The following HIVEP2 variants were observed in gnomAD, a reference collection of about 807,000 sequenced individuals.
HIVEP2 encodes HIVEP zinc finger 2, also known as transcription factor HIVEP2.
Under a neutral mutation model 180.7 loss-of-function variants are expected in HIVEP2, and 14 were observed. The observed-to-expected ratio is 0.08, with a 90% CI of 0.05 to 0.12. The LOEUF (loss-of-function observed/expected upper bound fraction) is 0.12. Among genes scored for constraint, HIVEP2 ranks in the 10% least tolerant of loss-of-function variants. The pLI is 1.00. For missense variants in HIVEP2, 2,579 were observed against 3,008.5 expected (o/e 0.86, Z 3.34); for synonymous variants, 1,184 against 1,136.4 (o/e 1.04, Z -0.84).
In HIVEP2 at chr6:142,774,655, C is replaced by T; in HGVS notation, c.84G>A (p.Gln28=). The change falls in exon 5 of 10, where the codon CAG becomes CAA. Residue 28 remains glutamine (Q), a synonymous_variant. Transcript: ENST00000367603. The surrounding 1 kb of genome is among the most constrained non-coding windows in gnomAD (Gnocchi z 5.1). ...ETDKASGRWR[Q]EQSAVIKMST... is the part of the protein sequence containing the mutation. ...TCATCTTAATAACAGCTGATTGTTC[C>T]TGTCTCCATCTACCTGATGCTTTAT... is the stretch of plus-strand genomic sequence containing the variant. 6.2e-7 allele frequency: 1 copy of T among 1,614,202 alleles called. No homozygotes were observed. The highest frequency in any genetic ancestry group is 1.1e-5 in the South Asian group (1 of 91,082).
intron 2 of HIVEP2, among the ~76,000 whole-genome samples, chr6:142,821,767 C>T (rs1217339221): frequency 6.6e-6 from 1 of 152,168 alleles, no homozygotes; most frequent in African/African-American, 2.4e-5. Context: ...ACACCACCAC[C>T]AAAACTAGGT....
At position 142,752,077 on chromosome 6, in the gene HIVEP2, G is replaced by GCT. The variant is rs1448587279; in HGVS notation, c.*1028_*1029dup. On this transcript the variant is annotated 3_prime_UTR_variant, in exon 10 of 10. Coordinates refer to ENST00000367603, the MANE Select transcript of HIVEP2 (RefSeq NM_006734.4). ...AGCCACCGGGCCGGCCGATAACCAA[G>GCT]CTCTACACAGTCCCATGTGCTTTGT... is the stretch of plus-strand genomic sequence containing the variant. 1 of 152,704 alleles carries GCT rather than the reference G, an allele frequency of 6.5e-6. No homozygotes were observed. The highest frequency in any genetic ancestry group is 1.9e-4 in the East Asian group (1 of 5,204). The allele number at this position is 152,704 out of a possible 1,614,324, so 9.5% of individuals were successfully genotyped here.
intron 2 of HIVEP2, among the ~76,000 whole-genome samples, chr6:142,802,097 T>G (rs756536039): frequency 6.6e-5 from 10 of 152,180 alleles, no homozygotes; most frequent in South Asian, 2.1e-4. Flanking sequence ...GGGCTCATTC[T>G]CAATAGCAAT....
intron 1 of HIVEP2, among the ~76,000 whole-genome samples, chr6:142,874,154 T>C (rs531469507): frequency 1.4e-4 from 21 of 152,262 alleles, no homozygotes; most frequent in African/African-American, 4.8e-4. Flanking sequence ...CTGAACCAAA[T>C]TAAAAACTCA....
At chr6:142,763,366 G>A (rs1469906534) in intron 7 of HIVEP2, among the ~76,000 whole-genome samples, 1 of 152,194 alleles carries the variant, frequency 6.6e-6, no homozygotes, top group Non-Finnish European at 1.5e-5. Flanking sequence ...TTGGACAACA[G>A]GCATTTCAGT....
chr6:142,935,528 G>T (rs752619442), intron 1 of HIVEP2, among the ~76,000 whole-genome samples: 1 of 152,118 alleles, frequency 6.6e-6, no homozygotes, highest in Non-Finnish European at 1.5e-5. Context: ...TCCAGTGGGG[G>T]CAACAGAGTG....
At chr6:142,796,971 C>T (rs930537996) in intron 2 of HIVEP2, among the ~76,000 whole-genome samples, 5 of 152,136 alleles carry the variant, frequency 3.3e-5, no homozygotes, top group African/African-American at 1.2e-4. Context: ...TTTAATACTG[C>T]ATCTTTACCT....
intron 1 of HIVEP2, among the ~76,000 whole-genome samples, chr6:142,864,320 A>G (rs1776080385): frequency 1.3e-5 from 2 of 152,258 alleles, no homozygotes; most frequent in South Asian, 4.1e-4. Context: ...AACAGCCTAG[A>G]AACGGAGGGT....
intron 1 of HIVEP2, among the ~76,000 whole-genome samples, chr6:142,897,016 C>A (rs1777015373): frequency 6.6e-6 from 1 of 152,008 alleles, no homozygotes; most frequent in African/African-American, 2.4e-5. Context: ...GATAGGCCCT[C>A]AATAATAATT....
At chr6:142,942,699 G>T (rs62428835) in intron 1 of HIVEP2, among the ~76,000 whole-genome samples, 17,155 of 152,066 alleles carry the variant, frequency 0.11, 1,240 homozygotes, top group Non-Finnish European at 0.16. Flanking sequence ...TTAAAAATCA[G>T]TTAGATCTTA....
intron 1 of HIVEP2, among the ~76,000 whole-genome samples, chr6:142,902,303 C>T (rs897147371): frequency 1.7e-4 from 26 of 149,402 alleles, no homozygotes; most frequent in Admixed American, 1.3e-3. Context: ...ATGGGAACCT[C>T]GCCTGGTGGT....
intron 1 of HIVEP2, among the ~76,000 whole-genome samples, chr6:142,939,053 T>G (rs1778116077): frequency 6.6e-6 from 1 of 152,202 alleles, no homozygotes; most frequent in Non-Finnish European, 1.5e-5. Context: ...ATGGTCAACT[T>G]TCACTACTAA....
At chr6:142,880,148 A>T (rs1009233291) in intron 1 of HIVEP2, among the ~76,000 whole-genome samples, 5 of 152,158 alleles carry the variant, frequency 3.3e-5, no homozygotes, top group African/African-American at 7.2e-5. Context: ...TCCCCAAAGC[A>T]GGAATATTTC....
intron 2 of HIVEP2, among the ~76,000 whole-genome samples, chr6:142,792,245 T>G (rs188276601): frequency 6.6e-6 from 1 of 152,254 alleles, no homozygotes; most frequent in Admixed American, 6.5e-5. Context: ...GGGCAAACTC[T>G]GCAAATGTAT....
intron 2 of HIVEP2, among the ~76,000 whole-genome samples, chr6:142,789,366 G>T (rs1181133459): frequency 6.6e-6 from 1 of 152,190 alleles, no homozygotes; most frequent in Non-Finnish European, 1.5e-5. Context: ...TGTTTTCTAA[G>T]ATAAGAGCTA....
At chr6:142,805,718 T>A (rs1419224270) in intron 2 of HIVEP2, among the ~76,000 whole-genome samples, 1 of 152,130 alleles carries the variant, frequency 6.6e-6, no homozygotes, top group East Asian at 1.9e-4. Context: ...TATTTAAGCA[T>A]ACAAGAGCTC....
At chr6:142,934,872 A>G (rs571526565) in intron 1 of HIVEP2, among the ~76,000 whole-genome samples, 1 of 152,324 alleles carries the variant, frequency 6.6e-6, no homozygotes, top group East Asian at 1.9e-4. Flanking sequence ...AGTGGTGGAA[A>G]GGAATACACT....
intron 2 of HIVEP2, among the ~76,000 whole-genome samples, chr6:142,819,143 A>T (rs1269343417): frequency 6.6e-6 from 1 of 152,040 alleles, no homozygotes; most frequent in East Asian, 1.9e-4. Flanking sequence ...CTGAGGCAGG[A>T]GGGTTGCTTG....
intron 1 of HIVEP2, among the ~76,000 whole-genome samples, chr6:142,869,012 C>T (rs1322934182): frequency 1.3e-5 from 2 of 152,074 alleles, no homozygotes; most frequent in South Asian, 2.1e-4. Context: ...ATCAGTGGTT[C>T]TCGGCCAAGG....
Sources: allele counts gnomAD v4.1 joint callset (sites outside exome capture counted in the v4.1 genomes callset), GRCh38; gene constraint gnomAD v4.1.1; non-coding constraint Gnocchi (gnomAD v3.1); transcripts MANE v1.5; gene names NCBI Gene and HGNC (gene_info 2026-07-23, HGNC 2026-07-21).